The following PLCL1 variants were observed in gnomAD, a reference collection of about 807,000 sequenced individuals.
PLCL1 encodes the protein inactive phospholipase C-like protein 1.
A neutral mutation model predicts 84.4 loss-of-function variants in PLCL1; 41 were observed. That is an observed-to-expected ratio of 0.49 (90% CI 0.38 to 0.63). PLCL1 has a LOEUF of 0.63. Ranked by LOEUF, PLCL1 falls within the 30% of genes least tolerant of loss-of-function variation. The pLI, the probability that PLCL1 is intolerant of heterozygous loss-of-function variation, is 0.00. For synonymous variants in PLCL1, 490 were observed against 488.3 expected (o/e 1.00, Z -0.05); for missense variants, 1,206 against 1,367.8 (o/e 0.88, Z 1.87).
chr2:197,871,630 G>T (rs1687653979), intron 1 of PLCL1, among the ~76,000 whole-genome samples: 1 of 152,110 alleles, frequency 6.6e-6, no homozygotes, highest in Non-Finnish European at 1.5e-5. Flanking sequence ...TTCGTTCTAT[G>T]CCTGTCTCCT....
chr2:197,888,944 G>A (rs1687967136), intron 1 of PLCL1, among the ~76,000 whole-genome samples: 1 of 152,026 alleles, frequency 6.6e-6, no homozygotes, highest in South Asian at 2.1e-4. Context: ...AAATGATAAG[G>A]CTAAATCTTA....
At chr2:198,140,384 A>T (rs984491611) in intron 5 of PLCL1, among the ~76,000 whole-genome samples, 76 of 152,146 alleles carry the variant, frequency 5.0e-4, no homozygotes, top group African/African-American at 1.8e-3. Flanking sequence ...TTGTCTCCTT[A>T]TATTAAAACT....
intron 1 of PLCL1, among the ~76,000 whole-genome samples, chr2:198,036,511 G>T (rs1157738304): frequency 6.6e-6 from 1 of 152,194 alleles, no homozygotes; most frequent in Non-Finnish European, 1.5e-5. Flanking sequence ...TTGGGAAGCA[G>T]ATAAATGAGA....
chr2:198,137,709 G>A (rs988174356), intron 5 of PLCL1, among the ~76,000 whole-genome samples: 3 of 152,122 alleles, frequency 2.0e-5, no homozygotes, highest in African/African-American at 4.8e-5. Context: ...ACTTTTTATG[G>A]GGAGGCTTGT....
At chr2:197,999,827 T>C (rs1690557597) in intron 1 of PLCL1, among the ~76,000 whole-genome samples, 1 of 152,174 alleles carries the variant, frequency 6.6e-6, no homozygotes, top group Non-Finnish European at 1.5e-5. Context: ...CTCTCCTACA[T>C]ATTGTATATG....
At chr2:198,090,941 A>G (rs1693013537) in intron 3 of PLCL1, among the ~76,000 whole-genome samples, 1 of 152,214 alleles carries the variant, frequency 6.6e-6, no homozygotes, top group South Asian at 2.1e-4. Flanking sequence ...TTATCTGCTG[A>G]AGCCAAGACT....
chr2:198,010,669 TG>T (rs1690846985), intron 1 of PLCL1, among the ~76,000 whole-genome samples: 1 of 151,972 alleles, frequency 6.6e-6, no homozygotes, highest in Non-Finnish European at 1.5e-5. Context: ...CCTCATAGAA[TG>T]AGTTTGGAAT....
chr2:197,960,149 A>G (rs1239302139), intron 1 of PLCL1, among the ~76,000 whole-genome samples: 1 of 152,056 alleles, frequency 6.6e-6, no homozygotes, highest in Non-Finnish European at 1.5e-5. Flanking sequence ...TTAATAAAAA[A>G]CATGCTTTTA....
intron 1 of PLCL1, among the ~76,000 whole-genome samples, chr2:197,843,557 A>G (rs768618223): frequency 1.3e-5 from 2 of 152,212 alleles, no homozygotes; most frequent in African/African-American, 2.4e-5. Context: ...TGGAAGCATG[A>G]TGAGAATCCA....
intron 5 of PLCL1, among the ~76,000 whole-genome samples, chr2:198,143,701 G>A (rs1000286078): frequency 6.6e-6 from 1 of 152,140 alleles, no homozygotes; most frequent in African/African-American, 2.4e-5. Flanking sequence ...TGTCTTTTCT[G>A]ATTCTGGTGC....
chr2:197,871,032 T>G (rs189273747), intron 1 of PLCL1, among the ~76,000 whole-genome samples: 7 of 152,080 alleles, frequency 4.6e-5, no homozygotes, highest in Non-Finnish European at 8.8e-5. Flanking sequence ...TTGTGTAAAA[T>G]TCCGTGTTTG....
At chr2:197,951,382 T>C (rs1689386610) in intron 1 of PLCL1, among the ~76,000 whole-genome samples, 1 of 152,092 alleles carries the variant, frequency 6.6e-6, no homozygotes, top group East Asian at 1.9e-4. Context: ...TTTGCTGTCT[T>C]ACCAGGGCCA....
intron 1 of PLCL1, among the ~76,000 whole-genome samples, chr2:198,050,565 A>C (rs1287443969): frequency 6.6e-6 from 1 of 152,244 alleles, no homozygotes; most frequent in African/African-American, 2.4e-5. Context: ...GAACTTTTTC[A>C]GTTCAAAGCT....
chr2:198,134,671 T>A (rs1394848330), intron 5 of PLCL1, among the ~76,000 whole-genome samples: 1 of 152,158 alleles, frequency 6.6e-6, no homozygotes, highest in South Asian at 2.1e-4. Context: ...ATAAATGTCC[T>A]TGGTAAAAGG....
rs756334527 is a variant in PLCL1, at chr2:198,148,273, GA to G, written c.*1314del. ...TGATTAACAAATATGCTAATTTGGG[GA>G]AACCTAGAGAAGATAATTGTTGAAA... On this transcript the variant is annotated 3_prime_UTR_variant, in exon 6 of 6. Transcript: ENST00000428675. 6.6e-6 allele frequency: 1 copy of G among 152,192 alleles called. No individual in the cohort carries two copies. The highest frequency in any genetic ancestry group is 2.4e-5 in the African/African-American group (1 of 41,412). 9.4% of individuals were successfully genotyped at this position (152,192 alleles called of 1,614,324 possible).
intron 1 of PLCL1, among the ~76,000 whole-genome samples, chr2:197,897,381 A>G (rs900775242): frequency 6.6e-6 from 1 of 152,076 alleles, no homozygotes; most frequent in Non-Finnish European, 1.5e-5. Context: ...CAATGGAGGC[A>G]ATATAGAGTG....
In PLCL1 at chr2:198,035,527, T is replaced by G. The variant is rs570922068; in HGVS notation, c.241-48231T>G. ...TTTTTTCCATTTGAAAGTAAGAGAG[T>G]GAGCAAAGAATGATGGGGACATGTC... On this transcript the variant is annotated intron_variant, in intron 1 of 5. Transcript: ENST00000428675. Among the ~76,000 whole-genome samples the G allele has an allele frequency of 3.3e-5, 5 of 152,042 alleles. No individual in the cohort carries two copies. In the South Asian group the frequency reaches 1.0e-3, roughly 32 times the overall value.
At chr2:198,069,341 C>T (rs565522022) in intron 1 of PLCL1, among the ~76,000 whole-genome samples, 211 of 151,872 alleles carry the variant, frequency 1.4e-3, no homozygotes, top group African/African-American at 4.8e-3. Flanking sequence ...GATAAAGAAA[C>T]AGCCTGGAGT....
chr2:197,981,520 T>C (rs1301792951), intron 1 of PLCL1, among the ~76,000 whole-genome samples: 1 of 152,230 alleles, frequency 6.6e-6, no homozygotes, highest in Non-Finnish European at 1.5e-5. Flanking sequence ...GTAAATCATA[T>C]TGACACACAA....
Sources: gnomAD v4.1 joint callset for allele counts (sites outside exome capture counted in the v4.1 genomes callset) on GRCh38, gnomAD v4.1.1 for gene constraint, MANE v1.5 for transcripts, NCBI Gene and HGNC (gene_info 2026-07-23, HGNC 2026-07-21) for gene names.